IFTAP: variants seen among roughly 807,000 people sequenced by gnomAD.
IFTAP encodes intraflagellar transport associated protein, also known as intraflagellar transport-associated protein.
Under a neutral mutation model 19.4 loss-of-function variants are expected in IFTAP, and 19 were observed. The observed-to-expected ratio is 0.98, with a 90% CI of 0.68 to 1.44. The LOEUF is 1.44. Among genes scored for constraint, IFTAP ranks in the 40% most tolerant of loss-of-function variants. IFTAP has a pLI of 0.00. For missense variants in IFTAP, 240 were observed against 253.6 expected, an observed-to-expected ratio of 0.95 and a Z score of 0.36; for synonymous variants, 85 against 83.5, an observed-to-expected ratio of 1.02 and a Z score of -0.10.
chr11:36,658,197 A>G (rs1474949462), intron 5 of IFTAP, among the ~76,000 whole-genome samples: 1 of 152,158 alleles, frequency 6.6e-6, no homozygotes, highest in Non-Finnish European at 1.5e-5. Context: ...TTTCAGCATC[A>G]CTATGCATAT....
intron 1 of IFTAP, among the ~76,000 whole-genome samples, chr11:36,609,119 A>AT (rs1186018955): frequency 1.3e-5 from 2 of 152,318 alleles, no homozygotes; most frequent in South Asian, 2.1e-4. Context: ...AGCATGATAA[A>AT]TTTAACAGTA....
chr11:36,633,509 A>G, intron 3 of IFTAP, 71 bp downstream of exon 3: 1 of 1,181,234 alleles, frequency 8.5e-7, no homozygotes, highest in Non-Finnish European at 1.1e-6. Flanking sequence ...CAAAAAAAAG[A>G]GACCCTACTA....
At chr11:36,623,365 C>A (rs1447383716) in intron 2 of IFTAP, among the ~76,000 whole-genome samples, 5 of 151,200 alleles carry the variant, frequency 3.3e-5, no homozygotes, top group African/African-American at 7.3e-5. Flanking sequence ...CTCCCCCCCC[C>A]ACTCAAAGCA....
chr11:36,620,897 T>C (rs1482567912), intron 2 of IFTAP, among the ~76,000 whole-genome samples: 2 of 151,814 alleles, frequency 1.3e-5, no homozygotes, highest in Non-Finnish European at 2.9e-5. Flanking sequence ...TACACATCTT[T>C]TCAATTTATT....
intron 3 of IFTAP, among the ~76,000 whole-genome samples, chr11:36,634,053 C>T (rs1489184358): frequency 6.6e-6 from 1 of 151,892 alleles, no homozygotes; most frequent in Non-Finnish European, 1.5e-5. Context: ...TTTTTTCTAA[C>T]AAGGGAACAA....
At chr11:36,654,541 G>A (rs1288429386) in intron 5 of IFTAP, among the ~76,000 whole-genome samples, 4 of 152,008 alleles carry the variant, frequency 2.6e-5, no homozygotes, top group Admixed American at 6.6e-5. Flanking sequence ...TCCCTTATGA[G>A]TTGGTGTTCC....
At chr11:36,623,569 A>G (rs559850259) in intron 2 of IFTAP, among the ~76,000 whole-genome samples, 3 of 152,320 alleles carry the variant, frequency 2.0e-5, no homozygotes, top group South Asian at 4.1e-4. Context: ...AGTTTGGCAC[A>G]TGTTCTGTCC....
intron 4 of IFTAP, among the ~76,000 whole-genome samples, chr11:36,643,579 G>A (rs1163853210): frequency 6.6e-6 from 1 of 152,162 alleles, no homozygotes; most frequent in Non-Finnish European, 1.5e-5. Flanking sequence ...GAGGCATCAT[G>A]CTACCTGACT....
intron 4 of IFTAP, among the ~76,000 whole-genome samples, chr11:36,638,984 AC>A (rs1341541345): frequency 2.0e-5 from 3 of 152,360 alleles, no homozygotes; most frequent in Non-Finnish European, 4.4e-5. Flanking sequence ...AGCGTCTGCC[AC>A]AGAGTTTGGT....
intron 1 of IFTAP, among the ~76,000 whole-genome samples, chr11:36,597,040 A>AG (rs961042401): frequency 6.6e-6 from 1 of 152,206 alleles, no homozygotes; most frequent in African/African-American, 2.4e-5. Context: ...ACAGTGGTAA[A>AG]GTTTCTTATT....
chr11:36,648,036 G>C lies in IFTAP; in HGVS notation c.379G>C (p.Glu127Gln). 6.2e-7 allele frequency: 1 copy of C among 1,613,166 alleles called. No homozygotes were observed. Among genetic ancestry groups the C allele is most frequent in the Non-Finnish European group, 8.5e-7 (1 of 1,179,462 alleles). Residue 127 changes from glutamate to glutamine, a missense_variant, in exon 5 of 6, where the codon GAA becomes CAA. By Grantham distance (29) the Glu-to-Gln change is conservative. Coordinates refer to ENST00000334307, the MANE Select transcript of IFTAP (RefSeq NM_138787.4). ...AACAGATTTGCTGCTGCTTCCAGGA[G>C]AAGTGGAGCAGGATGTAAGCACCAG... is the stretch of plus-strand genomic sequence containing the variant. ...MSEDLLLLPG[E>Q]VEQDVSTSIP...
chr11:36,597,565 G>A (rs1204515222), intron 1 of IFTAP: 1 of 152,176 alleles, frequency 6.6e-6, no homozygotes, highest in Non-Finnish European at 1.5e-5. Context: ...GGGCATAGTT[G>A]AGTATAATGA....
rs1362437672 is a variant in IFTAP, at chr11:36,610,125, T to C, written c.22T>C (p.Leu8=). The part of the protein sequence containing the change: MSAHMSG[L]EIMDEDQLIK... ...AGGAATGTCTGCCCATATGTCAGGA[T>C]TGGAAATAATGGATGAAGATCAATT... is the stretch of plus-strand genomic sequence containing the variant. The change falls in exon 2 of 6, where the codon TTG becomes CTG. Residue 8 remains leucine (L), a synonymous_variant. Transcript: ENST00000334307. 8 of 1,613,058 alleles carry C rather than the reference T, an allele frequency of 5.0e-6. No individual in the cohort carries two copies. The highest frequency in any genetic ancestry group is 5.9e-6 in the Non-Finnish European group (7 of 1,179,360).
At chr11:36,612,560 C>T (rs992656291) in intron 2 of IFTAP, among the ~76,000 whole-genome samples, 1 of 151,956 alleles carries the variant, frequency 6.6e-6, no homozygotes, top group Non-Finnish European at 1.5e-5. Context: ...TCCTATTTTC[C>T]CTGCTTCTTT....
chr11:36,621,877 GTA>G (rs767179852), intron 2 of IFTAP, among the ~76,000 whole-genome samples: 4 of 151,986 alleles, frequency 2.6e-5, no homozygotes, highest in Non-Finnish European at 5.9e-5. Context: ...TTTATAGATT[GTA>G]TAGTTAGAGG....
chr11:36,601,296 G>T (rs1851500989), intron 1 of IFTAP, among the ~76,000 whole-genome samples: 1 of 152,168 alleles, frequency 6.6e-6, no homozygotes, highest in South Asian at 2.1e-4. Flanking sequence ...TTCCACAATA[G>T]GAGCCACAAC....
At chr11:36,622,756 A>G (rs1936598535) in intron 2 of IFTAP, among the ~76,000 whole-genome samples, 1 of 152,192 alleles carries the variant, frequency 6.6e-6, no homozygotes. Flanking sequence ...TACGAAAGAG[A>G]AAAACATCAA....
intron 5 of IFTAP, among the ~76,000 whole-genome samples, chr11:36,654,372 G>A (rs1467558269): frequency 6.6e-6 from 1 of 151,502 alleles, no homozygotes; most frequent in Non-Finnish European, 1.5e-5. Flanking sequence ...TAAGTTCTAG[G>A]GTACATGTGC....
At chr11:36,599,003 C>CT (rs958311907) in intron 1 of IFTAP, among the ~76,000 whole-genome samples, 7 of 151,782 alleles carry the variant, frequency 4.6e-5, no homozygotes, top group Non-Finnish European at 1.0e-4. Flanking sequence ...CTTTTATTTT[C>CT]TTTTTTTTGA....
Sources: allele counts gnomAD v4.1 joint callset (sites outside exome capture counted in the v4.1 genomes callset), GRCh38; gene constraint gnomAD v4.1.1; transcripts MANE v1.5; gene names NCBI Gene and HGNC (gene_info 2026-07-23, HGNC 2026-07-21).